Variants in FHIT observed in about 807,000 individuals in gnomAD.
FHIT encodes the protein bis(5'-adenosyl)-triphosphatase.
A neutral mutation model predicts 17.9 loss-of-function variants in FHIT; 19 were observed. That is an observed-to-expected ratio of 1.06 (90% CI 0.74 to 1.56). The LOEUF (loss-of-function observed/expected upper bound fraction) is 1.56, where lower values mean the gene tolerates loss of function less well. FHIT is among the 40% of genes most tolerant of loss of function. The probability of loss-of-function intolerance (pLI) is 0.00; values close to 1 mark genes in which losing one functional copy is unlikely to be tolerated. For missense variants in FHIT, 248 were observed against 189.2 expected, an observed-to-expected ratio of 1.31 and a Z score of -1.82; for synonymous variants, 81 against 69.7, an observed-to-expected ratio of 1.16 and a Z score of -0.81.
intron 5 of FHIT, among the ~76,000 whole-genome samples, chr3:60,338,967 C>A (rs900771861): frequency 6.6e-6 from 1 of 152,042 alleles, no homozygotes; most frequent in Non-Finnish European, 1.5e-5. Context: ...ATAACAAGGC[C>A]TCCTTTACAG....
At chr3:60,711,483 C>T (rs1211038609) in intron 4 of FHIT, among the ~76,000 whole-genome samples, 25 of 152,230 alleles carry the variant, frequency 1.6e-4, no homozygotes, top group African/African-American at 5.8e-4. Flanking sequence ...CTCCGAGCTA[C>T]AGGAGGAAAT....
chr3:60,414,965 C>A (rs942762636), intron 5 of FHIT, among the ~76,000 whole-genome samples: 1 of 152,156 alleles, frequency 6.6e-6, no homozygotes. Context: ...AGTCTTCCCC[C>A]AAATCATTTG....
intron 3 of FHIT, among the ~76,000 whole-genome samples, chr3:61,021,649 C>A (rs9682234): frequency 0.033 from 5,005 of 149,822 alleles, 208 homozygotes; most frequent in African/African-American, 0.081. Context: ...AACTGTCTCT[C>A]AGACCAAAGT....
chr3:60,725,788 G>A (rs954412150), intron 4 of FHIT, among the ~76,000 whole-genome samples: 1 of 152,144 alleles, frequency 6.6e-6, no homozygotes, highest in African/African-American at 2.4e-5. Flanking sequence ...TACTTAGTAT[G>A]TGCCAGACAC....
intron 8 of FHIT, among the ~76,000 whole-genome samples, chr3:59,890,961 C>T (rs1703830167): frequency 6.6e-6 from 1 of 152,152 alleles, no homozygotes; most frequent in East Asian, 1.9e-4. Flanking sequence ...AGAGATGGCC[C>T]TAAGTTAATC....
intron 5 of FHIT, among the ~76,000 whole-genome samples, chr3:60,344,099 G>A (rs1217155861): frequency 6.6e-6 from 1 of 152,158 alleles, no homozygotes. Context: ...TTACTGCTGA[G>A]TAGCTTAGCA....
At chr3:60,814,240 T>G (rs1051031576) in intron 4 of FHIT, among the ~76,000 whole-genome samples, 4 of 152,156 alleles carry the variant, frequency 2.6e-5, no homozygotes, top group African/African-American at 9.7e-5. Context: ...GGGGTATATT[T>G]GCATGTTTGT....
intron 5 of FHIT, among the ~76,000 whole-genome samples, chr3:60,270,113 G>T (rs1018119786): frequency 1.3e-5 from 2 of 152,182 alleles, no homozygotes; most frequent in Non-Finnish European, 2.9e-5. Flanking sequence ...GGATGAGGTT[G>T]TATCTGTTGT....
intron 8 of FHIT, among the ~76,000 whole-genome samples, chr3:59,759,678 T>A (rs1484430708): frequency 6.6e-6 from 1 of 152,174 alleles, no homozygotes; most frequent in African/African-American, 2.4e-5. Context: ...CGATTCTGGA[T>A]GCTTTCATGC....
At chr3:60,717,541 C>T (rs1166751239) in intron 4 of FHIT, among the ~76,000 whole-genome samples, 1 of 152,096 alleles carries the variant, frequency 6.6e-6, no homozygotes, top group Non-Finnish European at 1.5e-5. Flanking sequence ...GGCAGGGCTA[C>T]CCGAGCAGCA....
chr3:60,730,378 C>G (rs533886459), intron 4 of FHIT: 1 of 246,290 alleles, frequency 4.1e-6, no homozygotes, highest in Non-Finnish European at 9.0e-6. Flanking sequence ...GTCACTAAAA[C>G]AAAATGTATT....
chr3:61,089,505 G>C (rs1300667021), intron 2 of FHIT, among the ~76,000 whole-genome samples: 2 of 152,044 alleles, frequency 1.3e-5, no homozygotes, highest in Non-Finnish European at 2.9e-5. Flanking sequence ...TTTTTGTAAT[G>C]GCTTATTGTA....
chr3:59,935,462 A>G (rs568497826), intron 7 of FHIT, among the ~76,000 whole-genome samples: 17 of 152,194 alleles, frequency 1.1e-4, no homozygotes, highest in South Asian at 4.1e-4. Context: ...TTCATTATAC[A>G]TATGTCCATG....
chr3:60,862,293 C>T (rs1236288344), intron 3 of FHIT, among the ~76,000 whole-genome samples: 12 of 152,046 alleles, frequency 7.9e-5, no homozygotes, highest in Non-Finnish European at 1.6e-4. Context: ...ATCATCCGTA[C>T]TAGCTAGGAC....
At chr3:60,463,014 C>A (rs1206332008) in intron 5 of FHIT, among the ~76,000 whole-genome samples, 1 of 152,218 alleles carries the variant, frequency 6.6e-6, no homozygotes, top group Non-Finnish European at 1.5e-5. Context: ...CTAATTTCTA[C>A]CCAACATTCA....
intron 4 of FHIT, among the ~76,000 whole-genome samples, chr3:60,601,914 A>G: frequency 7.4e-6 from 1 of 135,836 alleles, no homozygotes; most frequent in South Asian, 2.4e-4. Flanking sequence ...TAATTAATTC[A>G]TTAGAAACAG....
chr3:61,101,623 G>A (rs577306734), intron 2 of FHIT, among the ~76,000 whole-genome samples: 1 of 152,126 alleles, frequency 6.6e-6, no homozygotes, highest in Admixed American at 6.5e-5. Flanking sequence ...GGATGGCATT[G>A]AATCTATAAA....
chr3:60,029,676 G>A (rs1270291579), intron 5 of FHIT, among the ~76,000 whole-genome samples: 1 of 152,162 alleles, frequency 6.6e-6, no homozygotes, highest in Non-Finnish European at 1.5e-5. Flanking sequence ...ATTGAGAAAT[G>A]GGCCTTGTCT....
chr3:60,564,578 A>G (rs904023332), intron 4 of FHIT, among the ~76,000 whole-genome samples: 3 of 152,176 alleles, frequency 2.0e-5, no homozygotes, highest in African/African-American at 7.2e-5. Flanking sequence ...CAACATGAAC[A>G]TAGTTTAGAA....
Sources: gnomAD v4.1 joint callset for allele counts (sites outside exome capture counted in the v4.1 genomes callset) on GRCh38, gnomAD v4.1.1 for gene constraint, MANE v1.5 for transcripts, NCBI Gene and HGNC (gene_info 2026-07-23, HGNC 2026-07-21) for gene names.